The following SLC1A2 variants were observed in gnomAD, a reference collection of about 807,000 sequenced individuals.
SLC1A2 encodes excitatory amino acid transporter 2.
A neutral mutation model predicts 48.8 loss-of-function variants in SLC1A2; 15 were observed. That is an observed-to-expected ratio of 0.31 (90% confidence interval 0.21 to 0.47). The LOEUF (loss-of-function observed/expected upper bound fraction) is 0.47. Among genes scored for constraint, SLC1A2 ranks in the 20% least tolerant of loss-of-function variants. The pLI, the probability that SLC1A2 is intolerant of heterozygous loss-of-function variation, is 0.99. For synonymous variants in SLC1A2, 279 were observed against 272.6 expected (o/e 1.02, Z -0.23); for missense variants, 502 against 730.5 (o/e 0.69, Z 3.61).
chr11:35,365,438 C>T (rs963946347), intron 1 of SLC1A2, among the ~76,000 whole-genome samples: 2 of 152,162 alleles, frequency 1.3e-5, no homozygotes, highest in African/African-American at 2.4e-5. Context: ...AGATCATAAA[C>T]GGTGTGAGTT....
chr11:35,265,839 G>T, intron 9 of SLC1A2, 81 bp from the exon 10 acceptor site: 1 of 845,026 alleles, frequency 1.2e-6, no homozygotes, highest in South Asian at 1.6e-5. Flanking sequence ...GAGTCAGAGA[G>T]ACATAGGGTT....
Position 35,419,127 on chromosome 11 carries a change from A to C in SLC1A2, c.-161T>G. 2 of 538,470 alleles carry C rather than the reference A, an allele frequency of 3.7e-6. No homozygotes were observed. Among genetic ancestry groups the C allele is most frequent in the Non-Finnish European group, 3.2e-6 (1 of 313,166 alleles). The allele number at this position is 538,470 out of a possible 1,614,324, so 33.4% of individuals were successfully genotyped here. A position where few individuals can be genotyped will look rare whatever the true frequency, so the allele number is the denominator to read the frequency against. ...TCCGGGGTAAGCCCTTTAGCGCCTCAACGGGCGCAGGAGGCTCCTGCGGGC... is the reference window on the plus strand; with the variant it reads ...TCCGGGGTAAGCCCTTTAGCGCCTCCACGGGCGCAGGAGGCTCCTGCGGGC... On this transcript the variant is annotated 5_prime_UTR_variant, in exon 1 of 11. Transcript: ENST00000278379. The surrounding 1 kb of genome is among the most constrained non-coding windows in gnomAD (Gnocchi z 5.4).
intron 1 of SLC1A2, among the ~76,000 whole-genome samples, chr11:35,321,677 G>A (rs778889986): frequency 1.3e-5 from 2 of 152,126 alleles, no homozygotes; most frequent in Admixed American, 6.5e-5. Context: ...CCAGGAAGAG[G>A]TGAGTTGGAT....
chr11:35,315,066 T>G lies in SLC1A2; in HGVS notation c.267A>C (p.Leu89=), dbSNP rs1406101533. Residue 89 remains leucine (L), a synonymous_variant, in exon 3 of 11, where the codon CTA becomes CTC. Transcript: ENST00000278379. The part of the protein sequence containing the change: ...AFPGDILMRM[L]KMLILPLIIS... Reference sequence around the variant, plus strand: ...TGATTAGAGGGAGAATGAGCATTTTTAGCATCCTCATGAGTATATCCCCTG... The same window carrying G: ...TGATTAGAGGGAGAATGAGCATTTTGAGCATCCTCATGAGTATATCCCCTG... The G allele has an allele frequency of 1.9e-6, 3 of 1,612,766 alleles. No individual in the cohort carries two copies. The Admixed American group carries it at 5.0e-5, about 27-fold the overall frequency.
chr11:35,273,851 T>C (rs1009695257), intron 9 of SLC1A2, among the ~76,000 whole-genome samples: 8 of 152,200 alleles, frequency 5.3e-5, no homozygotes, highest in African/African-American at 1.2e-4. Flanking sequence ...AGAGACACAA[T>C]TGGTTTTTGT....
intron 9 of SLC1A2, among the ~76,000 whole-genome samples, chr11:35,267,986 G>T (rs188790347): frequency 9.8e-4 from 150 of 152,298 alleles, no homozygotes; most frequent in African/African-American, 3.5e-3. Context: ...ATTCAGTAAA[G>T]TGACCAGACT....
chr11:35,308,636 C>G (rs929507096), intron 4 of SLC1A2, among the ~76,000 whole-genome samples: 3 of 152,128 alleles, frequency 2.0e-5, no homozygotes, highest in African/African-American at 7.2e-5. Context: ...TTTATAGCAG[C>G]ATTAATCCCA....
chr11:35,268,128 C>T (rs920510432), intron 9 of SLC1A2, among the ~76,000 whole-genome samples: 6 of 152,112 alleles, frequency 3.9e-5, no homozygotes, highest in African/African-American at 1.4e-4. Flanking sequence ...TGTCTTTAAC[C>T]TTGGAAAAAT....
intron 1 of SLC1A2, among the ~76,000 whole-genome samples, chr11:35,410,887 G>A (rs1013012834): frequency 2.0e-5 from 3 of 152,120 alleles, no homozygotes; most frequent in African/African-American, 7.2e-5. Flanking sequence ...TACGCTGAAA[G>A]CTCCTCCCAA....
chr11:35,276,515 G>A (rs980042632), intron 9 of SLC1A2, among the ~76,000 whole-genome samples: 6 of 152,134 alleles, frequency 3.9e-5, no homozygotes, highest in Non-Finnish European at 5.9e-5. Flanking sequence ...GAGTTAGGAC[G>A]CTCTGCTTTC....
chr11:35,373,425 A>G (rs1854123262), intron 1 of SLC1A2, among the ~76,000 whole-genome samples: 1 of 152,166 alleles, frequency 6.6e-6, no homozygotes, highest in Admixed American at 6.5e-5. Flanking sequence ...GTGCCAAACA[A>G]CAGGTCCCAG....
chr11:35,357,650 C>T (rs1411047267), intron 1 of SLC1A2, among the ~76,000 whole-genome samples: 3 of 152,104 alleles, frequency 2.0e-5, no homozygotes, highest in Non-Finnish European at 4.4e-5. Context: ...TGAAGTATAA[C>T]AGAGCCATTA....
At chr11:35,369,533 G>T (rs1370340586) in intron 1 of SLC1A2, among the ~76,000 whole-genome samples, 1 of 152,224 alleles carries the variant, frequency 6.6e-6, no homozygotes, top group Non-Finnish European at 1.5e-5. Context: ...GGGCCTTGGG[G>T]ATAAAGAAGC....
chr11:35,309,003 C>T (rs922893585), intron 4 of SLC1A2, among the ~76,000 whole-genome samples: 4 of 152,168 alleles, frequency 2.6e-5, no homozygotes, highest in African/African-American at 9.7e-5. Flanking sequence ...ACACAGCCTC[C>T]TTTTTCTTTT....
At chr11:35,348,420 C>G (rs1853118808) in intron 1 of SLC1A2, among the ~76,000 whole-genome samples, 1 of 126,856 alleles carries the variant, frequency 7.9e-6, no homozygotes, top group African/African-American at 2.7e-5. Flanking sequence ...CAATAGGGTG[C>G]TCGCATGTAG....
At chr11:35,273,445 A>T (rs145242704) in intron 9 of SLC1A2, among the ~76,000 whole-genome samples, 3 of 152,208 alleles carry the variant, frequency 2.0e-5, no homozygotes, top group Non-Finnish European at 2.9e-5. Context: ...ATGGAGAGGG[A>T]TACTCACCTG....
At chr11:35,353,043 C>CT (rs201632473) in intron 1 of SLC1A2, among the ~76,000 whole-genome samples, 28 of 151,298 alleles carry the variant, frequency 1.9e-4, no homozygotes, top group South Asian at 1.0e-3. Context: ...CTAAGATAGG[C>CT]TTTTTTTTTA....
At chr11:35,283,378 T>C (rs937400998) in intron 8 of SLC1A2, among the ~76,000 whole-genome samples, 1 of 152,208 alleles carries the variant, frequency 6.6e-6, no homozygotes, top group Non-Finnish European at 1.5e-5. Flanking sequence ...GCATGAAGTA[T>C]ATACACCCGT....
intron 5 of SLC1A2, 93 bp from the exon 6 acceptor site, chr11:35,301,738 G>T: frequency 8.6e-7 from 1 of 1,160,616 alleles, no homozygotes; most frequent in Non-Finnish European, 1.2e-6. Context: ...ATGGAGCCAT[G>T]TTCTCACTGC....
Sources: gnomAD v4.1 joint callset for allele counts (sites outside exome capture counted in the v4.1 genomes callset) on GRCh38, gnomAD v4.1.1 for gene constraint, Gnocchi (gnomAD v3.1) non-coding constraint, MANE v1.5 for transcripts, NCBI Gene and HGNC (gene_info 2026-07-23, HGNC 2026-07-21) for gene names.